The following PRRG2 variants were observed in gnomAD, a reference collection of about 807,000 sequenced individuals.
PRRG2 encodes proline rich and Gla domain 2, also known as transmembrane gamma-carboxyglutamic acid protein 2.
A neutral mutation model predicts 27.1 loss-of-function variants in PRRG2; 23 were observed. The observed-to-expected ratio is 0.85, with a 90% CI of 0.61 to 1.20. The LOEUF (loss-of-function observed/expected upper bound fraction) is 1.20, where lower values mean the gene tolerates loss of function less well. Among genes scored for constraint, PRRG2 ranks in the 50% most tolerant of loss-of-function variants. PRRG2 has a pLI of 0.00. For missense variants in PRRG2, 276 were observed against 254.8 expected (o/e 1.08, Z -0.57); for synonymous variants, 104 against 103.4 (o/e 1.01, Z -0.03).
intron 4 of PRRG2, among the ~76,000 whole-genome samples, chr19:49,585,956 T>C: frequency 6.6e-6 from 1 of 151,150 alleles, no homozygotes; most frequent in East Asian, 1.9e-4. Context: ...GGCACGTGGC[T>C]GTAATCCCAG....
intron 4 of PRRG2, 95 bp from the exon 5 acceptor site, chr19:49,588,402 C>T (rs1293704771): frequency 6.7e-6 from 10 of 1,493,026 alleles, no homozygotes; most frequent in East Asian, 2.5e-5. Flanking sequence ...TGCCTGCTTC[C>T]GGGTCCATTC....
intron 6 of PRRG2, 25 bp from the exon 7 acceptor site, chr19:49,590,346 C>G (rs762105134): frequency 1.2e-6 from 2 of 1,614,024 alleles, no homozygotes; most frequent in East Asian, 2.2e-5. Context: ...ATCTTTGACT[C>G]CCTAGTGTGC....
intron 6 of PRRG2, 38 bp from the exon 7 acceptor site, chr19:49,590,333 C>G: frequency 6.2e-7 from 1 of 1,614,010 alleles, no homozygotes; most frequent in South Asian, 1.1e-5. Context: ...GAAAAACAGC[C>G]AGATCTTTGA....
intron 5 of PRRG2, among the ~76,000 whole-genome samples, chr19:49,589,295 T>G (rs1474986804): frequency 1.3e-5 from 2 of 151,786 alleles, no homozygotes; most frequent in African/African-American, 4.8e-5. Context: ...GCCCAGCTAA[T>G]TTTGTATTTT....
chr19:49,585,740 T>C (rs2080664122), intron 4 of PRRG2, among the ~76,000 whole-genome samples: 1 of 152,050 alleles, frequency 6.6e-6, no homozygotes, highest in South Asian at 2.1e-4. Context: ...GAGTTTGCAG[T>C]GAGCAGAGAT....
rs941860984 is a variant in PRRG2, at chr19:49,590,590, G to T, written c.*201G>T. On this transcript the variant is annotated 3_prime_UTR_variant, in exon 7 of 7. Coordinates refer to ENST00000246794, the MANE Select transcript of PRRG2 (RefSeq NM_000951.3). Reference sequence around the variant, plus strand: ...CACATGTTTTCGGCAACGTGTTCCCGTGTCCTGGCCCCTCACGGGCCCCCA... The same window carrying T: ...CACATGTTTTCGGCAACGTGTTCCCTTGTCCTGGCCCCTCACGGGCCCCCA... 5 of 698,726 alleles carry T rather than the reference G, an allele frequency of 7.2e-6. No individual in the cohort carries two copies. Among genetic ancestry groups the T allele is most frequent in the Non-Finnish European group, 1.2e-5 (5 of 420,274 alleles). The allele number at this position is 698,726 out of a possible 1,614,324, so 43.3% of individuals were successfully genotyped here. A position where few individuals can be genotyped will look rare whatever the true frequency, so the allele number is the denominator to read the frequency against.
In PRRG2 at chr19:49,590,543, GTTTCCGCCGCGTATGGATATACACATGT is replaced by G; in HGVS notation, c.*159_*186del. 1 of 1,070,146 alleles carries G rather than the reference GTTTCCGCCGCGTATGGATATACACATGT, an allele frequency of 9.3e-7. No homozygotes were observed. Among genetic ancestry groups the G allele is most frequent in the South Asian group, 1.4e-5 (1 of 70,172 alleles). The allele number at this position is 1,070,146 out of a possible 1,614,324, so 66.3% of individuals were successfully genotyped here. A position where few individuals can be genotyped will look rare whatever the true frequency, so the allele number is the denominator to read the frequency against. ...GCCCGAGGCCTGCCCTGGCACACGCGTTTCCGCCGCGTATGGATATACACATGTTTTCGGCAACGTGTTCCCGTGTCCT... is the reference window on the plus strand; with the variant it reads ...GCCCGAGGCCTGCCCTGGCACACGCGTTTCGGCAACGTGTTCCCGTGTCCT... On this transcript the variant is annotated 3_prime_UTR_variant, in exon 7 of 7. Coordinates refer to ENST00000246794, the MANE Select transcript of PRRG2 (RefSeq NM_000951.3).
chr19:49,590,007 T>C lies in PRRG2; in HGVS notation c.545T>C (p.Leu182Pro), dbSNP rs1166793709. 8 of 1,505,054 alleles carry C rather than the reference T, an allele frequency of 5.3e-6. No individual in the cohort carries two copies. The highest frequency in any genetic ancestry group is 4.0e-5 in the Admixed American group (2 of 50,154). The allele number at this position is 1,505,054 out of a possible 1,614,324, so 93.2% of individuals were successfully genotyped here. The change falls in exon 6 of 7, where the codon CTG (leucine) becomes CCG (proline). Residue 182 changes from leucine to proline, a missense_variant. Coordinates refer to ENST00000246794, the MANE Select transcript of PRRG2 (RefSeq NM_000951.3). ...PPGLPTYEQA[L>P]AASGVHDAPP... ...GGCCTCCCCACCTATGAGCAGGCGC[T>C]GGCAGCCTCTGGGGTACACGACGCA...
chr19:49,585,837 T>C (rs2080664879), intron 4 of PRRG2, among the ~76,000 whole-genome samples: 2 of 151,670 alleles, frequency 1.3e-5, no homozygotes, highest in Admixed American at 1.3e-4. Flanking sequence ...CCAAGCACTT[T>C]GGGAGGCCGA....
intron 6 of PRRG2, 72 bp downstream of exon 6, chr19:49,590,124 A>AG: frequency 1.4e-6 from 2 of 1,379,472 alleles, no homozygotes; most frequent in Non-Finnish European, 1.9e-6. Context: ...ACCTGGGCTC[A>AG]GGGGCGGGAC....
chr19:49,589,816 T>TC lies in PRRG2; in HGVS notation c.438-82dup, dbSNP rs954367787. The TC allele has an allele frequency of 3.1e-4, 461 of 1,466,190 alleles. 1 individual carries two copies. The highest frequency in any genetic ancestry group is 3.0e-4 in the Non-Finnish European group (312 of 1,055,018). 90.8% of individuals were successfully genotyped at this position (1,466,190 alleles called of 1,614,324 possible). On this transcript the variant is annotated intron_variant, in intron 5 of 6. Coordinates refer to ENST00000246794, the MANE Select transcript of PRRG2 (RefSeq NM_000951.3). ...CTCTGTCCCAGTGTCACCCTGAGTCTCCGTCTCCTAGATCCCCTCTCTTCC... is the reference window on the plus strand; with the variant it reads ...CTCTGTCCCAGTGTCACCCTGAGTCTCCCGTCTCCTAGATCCCCTCTCTTCC...
intron 4 of PRRG2, among the ~76,000 whole-genome samples, chr19:49,588,093 C>G (rs1353845594): frequency 6.6e-6 from 1 of 151,966 alleles, no homozygotes; most frequent in Non-Finnish European, 1.5e-5. Flanking sequence ...TCCCAGATAA[C>G]TGGGATTACA....
rs1258876937 is a variant in PRRG2 at position 49,587,479 on chromosome 19, ATTTTTTT to A, written c.302-1001_302-995del. On this transcript the variant is annotated intron_variant, in intron 4 of 6. Coordinates refer to ENST00000246794, the MANE Select transcript of PRRG2 (RefSeq NM_000951.3). ...AGGCAAGAACCACCAAGCCTGGTTA[ATTTTTTT>A]TTTTTTTTTTTTTTTTGAGACAGAG... Among the ~76,000 whole-genome samples, 58 of 114,652 alleles carry A rather than the reference ATTTTTTT, an allele frequency of 5.1e-4. 1 individual carries two copies. The highest frequency in any genetic ancestry group is 7.8e-4 in the Non-Finnish European group (45 of 57,352). 75.2% of individuals were successfully genotyped at this position (114,652 alleles called of 152,430 possible).
chr19:49,590,327 A>T, intron 6 of PRRG2, 44 bp from the exon 7 acceptor site: 1 of 1,613,938 alleles, frequency 6.2e-7, no homozygotes, highest in Non-Finnish European at 8.5e-7. Context: ...GGGGGAGAAA[A>T]ACAGCCAGAT....
chr19:49,582,859 C>T (rs1248935330), intron 1 of PRRG2, among the ~76,000 whole-genome samples: 7 of 151,366 alleles, frequency 4.6e-5, no homozygotes, highest in African/African-American at 1.7e-4. Context: ...CAGAGCGAGA[C>T]TCTGTCTCAA....
At position 49,583,905 on chromosome 19, in the gene PRRG2, C is replaced by T. The variant is rs766115514; in HGVS notation, c.262-8C>T. 1 of 1,613,796 alleles carries T rather than the reference C, an allele frequency of 6.2e-7. No homozygotes were observed. ...TTTCCCCTTCTTTTCCACTCCTTCC[C>T]CCTCAAGGAGCGCTTTTGGGAGAGC... is the stretch of plus-strand genomic sequence containing the variant. On this transcript the variant is annotated splice_polypyrimidine_tract_variant and splice_region_variant and intron_variant, in intron 3 of 6. Coordinates refer to ENST00000246794, the MANE Select transcript of PRRG2 (RefSeq NM_000951.3).
chr19:49,583,189 T>C lies in PRRG2; in HGVS notation c.-13-18T>C. The C allele has an allele frequency of 6.2e-7, 1 of 1,603,204 alleles. No homozygotes were observed. The highest frequency in any genetic ancestry group is 8.5e-7 in the Non-Finnish European group (1 of 1,170,564). ...CAGGGACTAAGGCCCTTGTCAGCTG[T>C]AACAAACCTGGTTCTAGGTGTCTGG... On this transcript the variant is annotated intron_variant, in intron 1 of 6. Coordinates refer to ENST00000246794, the MANE Select transcript of PRRG2 (RefSeq NM_000951.3).
At chr19:49,587,945 TTG>T (rs1413529785) in intron 4 of PRRG2, among the ~76,000 whole-genome samples, 5 of 131,322 alleles carry the variant, frequency 3.8e-5, no homozygotes, top group African/African-American at 1.9e-4. Flanking sequence ...TTTTTGGTTT[TTG>T]TTTGTTTGTT....
rs781385805 is a variant in PRRG2 at position 49,588,530 on chromosome 19, T to C, written c.335T>C (p.Val112Ala). The change falls in exon 5 of 7, where the codon GTG becomes GCG. Residue 112 changes from valine (V) to alanine (A), a missense_variant. Coordinates refer to ENST00000246794, the MANE Select transcript of PRRG2 (RefSeq NM_000951.3). ...RGRVDVASLA[V>A]GLTGGILLIV... is the part of the protein sequence containing the mutation. The stretch of plus-strand genomic sequence containing the variant: ...CGAGTGGATGTGGCCAGCCTGGCTG[T>C]GGGGCTGACAGGTGGCATCCTGCTC... 1.8e-5 allele frequency: 28 copies of C among 1,586,896 alleles called. 1 individual carries two copies. The Middle Eastern group carries it at 3.2e-3, about 179-fold the overall frequency.
Sources: gnomAD v4.1 joint callset for allele counts (sites outside exome capture counted in the v4.1 genomes callset) on GRCh38, gnomAD v4.1.1 for gene constraint, MANE v1.5 for transcripts, NCBI Gene and HGNC (gene_info 2026-07-23, HGNC 2026-07-21) for gene names.